CNTNAP2: variants seen among roughly 807,000 people sequenced by gnomAD.
The protein encoded by CNTNAP2 is contactin associated protein 2, also known as contactin-associated protein-like 2.
CNTNAP2 carries 98 observed loss-of-function variants against 155.2 expected under a neutral mutation model. The observed-to-expected ratio is 0.63, with a 90% confidence interval of 0.54 to 0.75. The LOEUF (loss-of-function observed/expected upper bound fraction) is 0.75, where lower values mean the gene tolerates loss of function less well. Among genes scored for constraint, CNTNAP2 ranks in the 30% least tolerant of loss-of-function variants. CNTNAP2 has a pLI of 0.00. For synonymous variants in CNTNAP2, 651 were observed against 631.2 expected (o/e 1.03, Z -0.47); for missense variants, 1,727 against 1,688.1 (o/e 1.02, Z -0.40).
chr7:146,869,866 C>T (rs1205825827), intron 3 of CNTNAP2, among the ~76,000 whole-genome samples: 1 of 152,136 alleles, frequency 6.6e-6, no homozygotes, highest in Non-Finnish European at 1.5e-5. Flanking sequence ...CTTCCTCTCC[C>T]AGTCCACTGA....
chr7:146,214,442 C>T (rs1000846589), intron 1 of CNTNAP2, among the ~76,000 whole-genome samples: 7 of 152,130 alleles, frequency 4.6e-5, no homozygotes, highest in African/African-American at 1.4e-4. Flanking sequence ...GGAAAATCCA[C>T]GTTCACCTTG....
intron 13 of CNTNAP2, among the ~76,000 whole-genome samples, chr7:147,878,970 T>TA (rs934971199): frequency 8.5e-5 from 13 of 152,230 alleles, no homozygotes; most frequent in Admixed American, 2.0e-4. Context: ...CTGACTCTGT[T>TA]ACGGTTTTCA....
chr7:147,731,377 C>G (rs769355314), intron 13 of CNTNAP2, among the ~76,000 whole-genome samples: 2 of 152,018 alleles, frequency 1.3e-5, no homozygotes, highest in African/African-American at 2.4e-5. Flanking sequence ...CTTAAGAGTT[C>G]TACTATCTCT....
chr7:147,842,364 T>A (rs1798757820), intron 13 of CNTNAP2, among the ~76,000 whole-genome samples: 1 of 152,208 alleles, frequency 6.6e-6, no homozygotes, highest in Non-Finnish European at 1.5e-5. Flanking sequence ...TACAGCCAGT[T>A]CTGTGAATCA....
intron 1 of CNTNAP2, among the ~76,000 whole-genome samples, chr7:146,375,246 G>T (rs1795289494): frequency 6.6e-6 from 1 of 152,160 alleles, no homozygotes; most frequent in Non-Finnish European, 1.5e-5. Flanking sequence ...TGGTTGAAAA[G>T]AAATGCTTTT....
chr7:148,392,648 G>C (rs1319310368), intron 22 of CNTNAP2, among the ~76,000 whole-genome samples: 1 of 152,148 alleles, frequency 6.6e-6, no homozygotes, highest in Non-Finnish European at 1.5e-5. Context: ...TTCAGAAGCA[G>C]GAGTGGAGGG....
chr7:148,247,343 A>G (rs1796280110), intron 20 of CNTNAP2, among the ~76,000 whole-genome samples: 1 of 152,118 alleles, frequency 6.6e-6, no homozygotes, highest in South Asian at 2.1e-4. Context: ...TTTGCTTGTG[A>G]GTCCCATTTA....
At chr7:147,241,430 C>T in intron 8 of CNTNAP2, among the ~76,000 whole-genome samples, 1 of 152,004 alleles carries the variant, frequency 6.6e-6, no homozygotes, top group South Asian at 2.1e-4. Context: ...GAGTTCCAGA[C>T]CAGCCTGGCC....
At chr7:146,825,777 C>T (rs562509973) in intron 2 of CNTNAP2, among the ~76,000 whole-genome samples, 1 of 152,092 alleles carries the variant, frequency 6.6e-6, no homozygotes, top group South Asian at 2.1e-4. Flanking sequence ...TGTGGTCGAC[C>T]TAGCTTCAAA....
In CNTNAP2 at chr7:147,737,131, G is replaced by GT. The variant is rs1347826389; in HGVS notation, c.2098+97831dup. ...ATAGAATTTTCAGTTTTTCTGCTCT[G>GT]TTTTTTCCCCATCTTTGTGGTTTTA... is the stretch of plus-strand genomic sequence containing the variant. On this transcript the variant is annotated intron_variant, in intron 13 of 23. Coordinates refer to ENST00000361727, the MANE Select transcript of CNTNAP2 (RefSeq NM_014141.6). Among the ~76,000 whole-genome samples, 3 of 152,274 alleles carry GT rather than the reference G, an allele frequency of 2.0e-5. No individual in the cohort carries two copies. In the East Asian group the frequency reaches 5.8e-4, roughly 29 times the overall value.
At chr7:146,831,580 G>A (rs1441780077) in intron 2 of CNTNAP2, among the ~76,000 whole-genome samples, 2 of 149,540 alleles carry the variant, frequency 1.3e-5, no homozygotes, top group African/African-American at 5.0e-5. Context: ...GGAGGCTGAG[G>A]CAGGAGAATC....
At chr7:147,571,124 T>A (rs1264991413) in intron 12 of CNTNAP2, among the ~76,000 whole-genome samples, 2 of 152,210 alleles carry the variant, frequency 1.3e-5, no homozygotes, top group South Asian at 2.1e-4. Context: ...AGTTCTTTTT[T>A]TTATTATTAT....
At chr7:147,374,048 C>T (rs1796394429) in intron 9 of CNTNAP2, among the ~76,000 whole-genome samples, 1 of 151,860 alleles carries the variant, frequency 6.6e-6, no homozygotes, top group Non-Finnish European at 1.5e-5. Context: ...AATAGAAAGC[C>T]ATACGGACAA....
At chr7:147,313,815 T>C (rs1400505419) in intron 9 of CNTNAP2, among the ~76,000 whole-genome samples, 1 of 151,938 alleles carries the variant, frequency 6.6e-6, no homozygotes, top group African/African-American at 2.4e-5. Context: ...CATTGGTAGC[T>C]TGATGGGGAT....
At chr7:147,829,816 G>A (rs1247257772) in intron 13 of CNTNAP2, among the ~76,000 whole-genome samples, 5 of 151,972 alleles carry the variant, frequency 3.3e-5, no homozygotes, top group Admixed American at 6.6e-5. Flanking sequence ...GTGACCACCG[G>A]GCATCTGCTT....
chr7:147,817,925 G>C (rs1040507193), intron 13 of CNTNAP2, among the ~76,000 whole-genome samples: 1 of 147,186 alleles, frequency 6.8e-6, no homozygotes, highest in East Asian at 2.0e-4. Flanking sequence ...AAAAAAAATA[G>C]CAAAGAAAAA....
Position 146,670,257 on chromosome 7 carries a change from A to C in CNTNAP2, c.98-104014A>C, listed in dbSNP as rs915560464. On this transcript the variant is annotated intron_variant, in intron 1 of 23. Coordinates refer to ENST00000361727, the MANE Select transcript of CNTNAP2 (RefSeq NM_014141.6). ...GCATTAGTTACATACTGCTTGGACC[A>C]ACCCCATCTTTGAATATCACTTGTA... Among the ~76,000 whole-genome samples, 6 of 152,168 alleles carry C rather than the reference A, an allele frequency of 3.9e-5. 1 individual carries two copies. Among genetic ancestry groups the C allele is most frequent in the Non-Finnish European group, 8.8e-5 (6 of 68,034 alleles).
intron 1 of CNTNAP2, among the ~76,000 whole-genome samples, chr7:146,351,178 A>G (rs1794909747): frequency 6.6e-6 from 1 of 152,086 alleles, no homozygotes; most frequent in Non-Finnish European, 1.5e-5. Flanking sequence ...TTAAAGTATA[A>G]TAATAATAAA....
At chr7:146,232,945 A>C (rs1563000034) in intron 1 of CNTNAP2, among the ~76,000 whole-genome samples, 3 of 152,294 alleles carry the variant, frequency 2.0e-5, no homozygotes, top group South Asian at 4.1e-4. Context: ...GTAGAGAGAC[A>C]AAAACCCATT....
Sources: allele counts gnomAD v4.1 joint callset (sites outside exome capture counted in the v4.1 genomes callset), GRCh38; gene constraint gnomAD v4.1.1; transcripts MANE v1.5; gene names NCBI Gene and HGNC (gene_info 2026-07-23, HGNC 2026-07-21).